RTTN: variants seen among roughly 807,000 people sequenced by gnomAD.
RTTN encodes rotatin.
Under a neutral mutation model 269.2 loss-of-function variants are expected in RTTN, and 182 were observed. The observed-to-expected ratio is 0.68, with a 90% CI of 0.60 to 0.76. RTTN has a LOEUF of 0.76. Ranked by LOEUF, RTTN falls within the 30% of genes least tolerant of loss-of-function variation. The probability of loss-of-function intolerance (pLI) is 0.00; values close to 1 mark genes in which losing one functional copy is unlikely to be tolerated. For synonymous variants in RTTN, 1,006 were observed against 963.5 expected, an observed-to-expected ratio of 1.04 and a Z score of -0.82; for missense variants, 2,545 against 2,608.6, an observed-to-expected ratio of 0.98 and a Z score of 0.53.
chr18:70,059,597 A>G (rs1007627123), intron 36 of RTTN, among the ~76,000 whole-genome samples: 3 of 152,220 alleles, frequency 2.0e-5, no homozygotes, highest in African/African-American at 7.2e-5. Flanking sequence ...TTTAGAATCC[A>G]TGAATTTTAG....
chr18:70,180,811 A>G (rs1377528092), intron 10 of RTTN, among the ~76,000 whole-genome samples: 1 of 152,234 alleles, frequency 6.6e-6, no homozygotes, highest in Admixed American at 6.5e-5. Flanking sequence ...CTATATTTAA[A>G]CTATCTTAGT....
chr18:70,084,134 C>T (rs2058641450), intron 32 of RTTN, among the ~76,000 whole-genome samples: 1 of 151,766 alleles, frequency 6.6e-6, no homozygotes, highest in Non-Finnish European at 1.5e-5. Flanking sequence ...AAAGAGAATG[C>T]TTCAGAAAGC....
chr18:70,124,246 A>G (rs999365227), intron 25 of RTTN, among the ~76,000 whole-genome samples: 8 of 152,108 alleles, frequency 5.3e-5, no homozygotes, highest in African/African-American at 1.9e-4. Flanking sequence ...AAAACTTACG[A>G]ATAATCACAG....
chr18:70,145,794 A>T lies in RTTN; in HGVS notation c.2310-11T>A. Reference sequence around the variant, plus strand: ...GCTAGCGAACGGACCCTGAGAACACAAAGTACTTAAGTCGAACTTTCGTGA... The same window carrying T: ...GCTAGCGAACGGACCCTGAGAACACTAAGTACTTAAGTCGAACTTTCGTGA... On this transcript the variant is annotated splice_polypyrimidine_tract_variant and intron_variant, in intron 17 of 48. Coordinates refer to ENST00000640769, the MANE Select transcript of RTTN (RefSeq NM_173630.4). 6.3e-7 allele frequency: 1 copy of T among 1,593,920 alleles called. No homozygotes were observed. Among genetic ancestry groups the T allele is most frequent in the Non-Finnish European group, 8.5e-7 (1 of 1,173,054 alleles).
chr18:70,066,724 C>T (rs2058145955), intron 34 of RTTN, among the ~76,000 whole-genome samples: 1 of 152,158 alleles, frequency 6.6e-6, no homozygotes, highest in Non-Finnish European at 1.5e-5. Context: ...AAGTTATAAA[C>T]CATCATTCCA....
intron 25 of RTTN, among the ~76,000 whole-genome samples, chr18:70,123,022 C>T (rs1378082154): frequency 1.3e-5 from 2 of 152,016 alleles, no homozygotes; most frequent in African/African-American, 4.8e-5. Context: ...GGGCCTATCC[C>T]TTTGCCTGGC....
At chr18:70,020,426 C>T (rs2056668674) in intron 45 of RTTN, among the ~76,000 whole-genome samples, 189 bp downstream of exon 45, 1 of 152,184 alleles carries the variant, frequency 6.6e-6, no homozygotes, top group South Asian at 2.1e-4. Context: ...TACTCTAGCT[C>T]CTGTCCTTCT....
At chr18:70,107,172 T>C (rs1048151195) in intron 28 of RTTN, among the ~76,000 whole-genome samples, 4 of 152,208 alleles carry the variant, frequency 2.6e-5, no homozygotes, top group African/African-American at 9.6e-5. Flanking sequence ...TAAAGCAGTT[T>C]TATAAGCTGT....
intron 28 of RTTN, among the ~76,000 whole-genome samples, chr18:70,107,963 G>A (rs1295630938): frequency 2.0e-5 from 3 of 152,160 alleles, no homozygotes; most frequent in Admixed American, 6.5e-5. Flanking sequence ...AACTCTGAAC[G>A]ATTTTAGATC....
intron 26 of RTTN, 110 bp from the exon 27 acceptor site, chr18:70,114,709 A>C: frequency 1.2e-6 from 1 of 805,724 alleles, no homozygotes; most frequent in East Asian, 2.8e-5. Context: ...TTACCTAACT[A>C]GTAGGTGTGG....
Position 70,134,571 on chromosome 18 carries a change from G to C in RTTN, c.2886-30C>G, listed in dbSNP as rs756030586. ...TTCATAAAAGAAAAACAAAAACAAA[G>C]AAACAACTGAGTAGACCAAGTTTTG... On this transcript the variant is annotated intron_variant, in intron 22 of 48. Transcript: ENST00000640769. 1.8e-5 allele frequency: 27 copies of C among 1,532,660 alleles called. No homozygotes were observed. In the East Asian group the frequency reaches 1.8e-4, roughly 10 times the overall value. The allele number at this position is 1,532,660 out of a possible 1,614,324, so 94.9% of individuals were successfully genotyped here. A position where few individuals can be genotyped will look rare whatever the true frequency, so the allele number is the denominator to read the frequency against.
intron 46 of RTTN, among the ~76,000 whole-genome samples, chr18:70,012,242 A>G (rs1351524072): frequency 6.7e-6 from 1 of 149,160 alleles, no homozygotes; most frequent in Non-Finnish European, 1.5e-5. Context: ...GTTACAGCAC[A>G]GTGTCTGTTC....
chr18:70,173,463 A>C (rs1051874882), intron 11 of RTTN, among the ~76,000 whole-genome samples: 1 of 148,516 alleles, frequency 6.7e-6, no homozygotes, highest in African/African-American at 2.5e-5. Flanking sequence ...ACTGAACTCC[A>C]GCCTGGTGAC....
At chr18:70,149,190 G>A (rs544336351) in intron 16 of RTTN, among the ~76,000 whole-genome samples, 153 bp from the exon 17 acceptor site, 1 of 152,188 alleles carries the variant, frequency 6.6e-6, no homozygotes, top group Non-Finnish European at 1.5e-5. Flanking sequence ...ACTTCTATGA[G>A]CCAAGGAGCC....
chr18:70,063,689 T>C (rs1419191300), intron 35 of RTTN, among the ~76,000 whole-genome samples: 1 of 152,254 alleles, frequency 6.6e-6, no homozygotes, highest in African/African-American at 2.4e-5. Flanking sequence ...ATGTATTACA[T>C]ATCTTCAGCA....
chr18:70,133,260 C>G (rs925971390), intron 23 of RTTN, among the ~76,000 whole-genome samples: 1 of 152,114 alleles, frequency 6.6e-6, no homozygotes, highest in Non-Finnish European at 1.5e-5. Flanking sequence ...AAACTAAACA[C>G]CATTAAGACT....
At chr18:70,104,777 G>C (rs577749346) in intron 28 of RTTN, among the ~76,000 whole-genome samples, 1 of 152,282 alleles carries the variant, frequency 6.6e-6, no homozygotes, top group African/African-American at 2.4e-5. Context: ...GACCCTGTTT[G>C]CCTGGGTATC....
chr18:70,114,990 T>C (rs1052426545), intron 26 of RTTN, among the ~76,000 whole-genome samples: 49 of 152,174 alleles, frequency 3.2e-4, no homozygotes, highest in Admixed American at 4.6e-4. Flanking sequence ...TTTTTCCTAC[T>C]TCCCGTTATT....
At chr18:70,008,309 A>G (rs1218715659) in intron 46 of RTTN, 1 of 152,190 alleles carries the variant, frequency 6.6e-6, no homozygotes, top group African/African-American at 2.4e-5. Context: ...AACCCAGTGC[A>G]AAAAGGATGA....
Sources: allele counts gnomAD v4.1 joint callset (sites outside exome capture counted in the v4.1 genomes callset), GRCh38; gene constraint gnomAD v4.1.1; transcripts MANE v1.5; gene names NCBI Gene and HGNC (gene_info 2026-07-23, HGNC 2026-07-21).